The following STAT4 variants were observed in gnomAD, a reference collection of about 807,000 sequenced individuals.
The protein encoded by STAT4 is signal transducer and activator of transcription 4.
A neutral mutation model predicts 110.5 loss-of-function variants in STAT4; 42 were observed. The ratio of observed to expected loss-of-function variants is 0.38; its 90% CI spans 0.30 to 0.49. STAT4 has a LOEUF of 0.49. Among genes scored for constraint, STAT4 ranks in the 20% least tolerant of loss-of-function variants. The pLI is 0.95. For missense variants in STAT4, 632 were observed against 887.9 expected (o/e 0.71, Z 3.66); for synonymous variants, 284 against 302.2 (o/e 0.94, Z 0.63).
chr2:191,031,245 T>C lies in STAT4; in HGVS notation c.2112-165A>G, dbSNP rs3024901. The C allele has an allele frequency of 1.1e-3, 963 of 887,982 alleles. 9 individuals are homozygous for C. The African/African-American group carries it at 0.014, about 13-fold the overall frequency. The allele number at this position is 887,982 out of a possible 1,614,324, so 55.0% of individuals were successfully genotyped here. On this transcript the variant is annotated intron_variant, in intron 22 of 23. Coordinates refer to ENST00000392320, the MANE Select transcript of STAT4 (RefSeq NM_003151.4). The surrounding 1 kb of genome is among the most constrained non-coding windows in gnomAD (Gnocchi z 4.8). ...AACACTCAACTTACTGTGGCATATA[T>C]GGCATATAAAAGGGGAATTTTATAA...
chr2:191,049,167 C>CTT (rs11410725), intron 14 of STAT4, among the ~76,000 whole-genome samples: 3,729 of 104,008 alleles, frequency 0.036, 114 homozygotes, highest in African/African-American at 0.045. Flanking sequence ...ATGGTAATAG[C>CTT]TTTTTTTTTT....
chr2:191,039,818 T>C lies in STAT4; in HGVS notation c.1336-521A>G, dbSNP rs142607501. ...GCCGTCTGTGCTATTGTTACAGAAC[T>C]AACTCAATTTAATACTCTTGGTTCT... On this transcript the variant is annotated intron_variant, in intron 15 of 23. Coordinates refer to ENST00000392320, the MANE Select transcript of STAT4 (RefSeq NM_003151.4). This position sits in a 1 kb window ranked among gnomAD's most constrained non-coding sequence, Gnocchi z 4.7. Among the ~76,000 whole-genome samples, 66 of 152,368 alleles carry C rather than the reference T, an allele frequency of 4.3e-4. No individual in the cohort carries two copies. The highest frequency in any genetic ancestry group is 1.1e-3 in the African/African-American group (47 of 41,582).
intron 3 of STAT4, among the ~76,000 whole-genome samples, chr2:191,097,349 A>G (rs919498283): frequency 3.9e-5 from 6 of 152,228 alleles, no homozygotes; most frequent in Non-Finnish European, 8.8e-5. Flanking sequence ...TGGAGGCATC[A>G]TGCTACCTGA....
At position 191,029,799 on chromosome 2, in the gene STAT4, T is replaced by C. The variant is rs1391109426; in HGVS notation, c.*41A>G. The stretch of plus-strand genomic sequence containing the variant: ...TGGGCAAAGAACAGTCTTTAAACTT[T>C]TTCATTTGCTTCCTTTCTTGGTGCG... On this transcript the variant is annotated 3_prime_UTR_variant, in exon 24 of 24. Transcript: ENST00000392320. This position sits in a 1 kb window ranked among gnomAD's most constrained non-coding sequence, Gnocchi z 4.5. 2 of 1,584,938 alleles carry C rather than the reference T, an allele frequency of 1.3e-6. No homozygotes were observed. The highest frequency in any genetic ancestry group is 3.5e-5 in the Admixed American group (2 of 56,542).
chr2:191,104,044 C>T lies in STAT4; in HGVS notation c.274-27719G>A, dbSNP rs570909884. 6.6e-5 allele frequency among the ~76,000 whole-genome samples: 10 copies of T among 152,130 alleles called. No individual in the cohort carries two copies. Among genetic ancestry groups the T allele is most frequent in the Middle Eastern group, 3.4e-3 (1 of 294 alleles). ...TGCTAAGTGTTCTAGGTATCAAGGC[C>T]TTTGTGATAGCTTTTTGATGTACAA... is the stretch of plus-strand genomic sequence containing the variant. On this transcript the variant is annotated intron_variant, in intron 3 of 23. Transcript: ENST00000392320. The surrounding 1 kb of genome is among the most constrained non-coding windows in gnomAD (Gnocchi z 4.3).
chr2:191,126,262 T>C (rs1698876354), intron 3 of STAT4, among the ~76,000 whole-genome samples: 1 of 152,266 alleles, frequency 6.6e-6, no homozygotes, highest in African/African-American at 2.4e-5. Context: ...GTGAGCTGTC[T>C]CGGTTTTGAT....
chr2:191,072,537 G>A (rs1034863673), intron 5 of STAT4, among the ~76,000 whole-genome samples: 2 of 152,044 alleles, frequency 1.3e-5, no homozygotes, highest in African/African-American at 4.8e-5. Flanking sequence ...AGTTTATTTT[G>A]ATGGAATTAT....
chr2:191,108,530 G>A (rs1698342826), intron 3 of STAT4, among the ~76,000 whole-genome samples: 1 of 152,162 alleles, frequency 6.6e-6, no homozygotes, highest in Admixed American at 6.5e-5. Flanking sequence ...ATGAAATGAA[G>A]AGGAGGTGGT....
intron 14 of STAT4, among the ~76,000 whole-genome samples, chr2:191,047,819 T>C (rs1261177880): frequency 6.6e-6 from 1 of 152,072 alleles, no homozygotes; most frequent in Non-Finnish European, 1.5e-5. Flanking sequence ...GCGTGCGCCA[T>C]TATGCCCAGC....
chr2:191,101,611 T>G (rs1698150707), intron 3 of STAT4, among the ~76,000 whole-genome samples: 1 of 152,166 alleles, frequency 6.6e-6, no homozygotes, highest in South Asian at 2.1e-4. Context: ...ATTATAGCAT[T>G]AACATCTCAT....
At chr2:191,038,911 G>T (rs1696115439) in intron 16 of STAT4, among the ~76,000 whole-genome samples, 1 of 152,196 alleles carries the variant, frequency 6.6e-6, no homozygotes, top group South Asian at 2.1e-4. Flanking sequence ...CAGAGTCATA[G>T]GATGGCCCTG....
intron 3 of STAT4, chr2:191,131,820 C>A: frequency 7.1e-7 from 1 of 1,414,518 alleles, no homozygotes; most frequent in South Asian, 1.6e-5. Context: ...AAGCTAAGTC[C>A]TAGGGACAAG....
intron 3 of STAT4, among the ~76,000 whole-genome samples, chr2:191,094,566 C>A (rs1697905068): frequency 6.6e-6 from 1 of 152,152 alleles, no homozygotes; most frequent in East Asian, 1.9e-4. Context: ...ACCAGACCTG[C>A]CTTAACAAGA....
At chr2:191,118,017 A>G (rs2125381228) in intron 3 of STAT4, among the ~76,000 whole-genome samples, 1 of 152,344 alleles carries the variant, frequency 6.6e-6, no homozygotes, top group Middle Eastern at 3.4e-3. Context: ...TTCTATCAAA[A>G]TAAATCAGAC....
chr2:191,139,807 G>T (rs1699273188), intron 3 of STAT4, among the ~76,000 whole-genome samples: 1 of 152,028 alleles, frequency 6.6e-6, no homozygotes, highest in Admixed American at 6.6e-5. Flanking sequence ...GCAATACTAA[G>T]CAAAAAGAAC....
chr2:191,080,856 T>A (rs773711127), intron 3 of STAT4, among the ~76,000 whole-genome samples: 9 of 151,814 alleles, frequency 5.9e-5, no homozygotes, highest in South Asian at 2.1e-4. Context: ...TTCTTTAAAA[T>A]TTTTTTTTGT....
At chr2:191,078,521 T>A (rs1295287401) in intron 3 of STAT4, among the ~76,000 whole-genome samples, 1 of 152,190 alleles carries the variant, frequency 6.6e-6, no homozygotes, top group Non-Finnish European at 1.5e-5. Context: ...AACAAAAACA[T>A]CTTATGGAAA....
In STAT4 at chr2:191,046,702, C is replaced by T. The variant is rs1696364598; in HGVS notation, c.1252-5554G>A. ...TATAATAAGAAATCTATATTTGGTC[C>T]CTGCACCTGGTTACTGAGACAGAGC... On this transcript the variant is annotated intron_variant, in intron 14 of 23. Transcript: ENST00000392320. The surrounding 1 kb of genome is among the most constrained non-coding windows in gnomAD (Gnocchi z 4.6). Among the ~76,000 whole-genome samples, 2 of 152,114 alleles carry T rather than the reference C, an allele frequency of 1.3e-5. No homozygotes were observed. Among genetic ancestry groups the T allele is most frequent in the African/African-American group, 4.8e-5 (2 of 41,430 alleles).
rs539998421 is a variant in STAT4 at position 191,150,565 on chromosome 2, C to CT, written c.-2+381dup. Among the ~76,000 whole-genome samples the CT allele has an allele frequency of 4.7e-4, 72 of 152,304 alleles. No homozygotes were observed. The highest frequency in any genetic ancestry group is 1.7e-3 in the African/African-American group (71 of 41,560). Reference sequence around the variant, plus strand: ...AGTCACCGGCTGCCGTAGCTGCAAGCTTTTTTCTGAAATCCAGGTACGCTA... The same window carrying CT: ...AGTCACCGGCTGCCGTAGCTGCAAGCTTTTTTTCTGAAATCCAGGTACGCTA... On this transcript the variant is annotated intron_variant, in intron 1 of 23. Transcript: ENST00000392320. The surrounding 1 kb of genome is among the most constrained non-coding windows in gnomAD (Gnocchi z 6.4).
Sources: gnomAD v4.1 joint callset for allele counts (sites outside exome capture counted in the v4.1 genomes callset) on GRCh38, gnomAD v4.1.1 for gene constraint, Gnocchi (gnomAD v3.1) non-coding constraint, MANE v1.5 for transcripts, NCBI Gene and HGNC (gene_info 2026-07-23, HGNC 2026-07-21) for gene names.